The following PIAS4 variants were observed in gnomAD, a reference collection of about 807,000 sequenced individuals.
PIAS4 encodes the protein E3 SUMO-protein ligase PIAS4.
A neutral mutation model predicts 58.0 loss-of-function variants in PIAS4; 7 were observed. The ratio of observed to expected loss-of-function variants is 0.12; its 90% CI spans 0.07 to 0.23. The LOEUF (loss-of-function observed/expected upper bound fraction) is 0.23, where lower values mean the gene tolerates loss of function less well. PIAS4 is among the 10% of genes least tolerant of loss of function. The pLI is 1.00. For synonymous variants in PIAS4, 364 were observed against 312.4 expected (o/e 1.17, Z -1.74); for missense variants, 550 against 709.5 (o/e 0.78, Z 2.55).
intron 7 of PIAS4, among the ~76,000 whole-genome samples, chr19:4,030,150 A>C (rs2040209481): frequency 6.6e-6 from 1 of 151,740 alleles, no homozygotes; most frequent in Non-Finnish European, 1.5e-5. Context: ...TTTCGTAGAG[A>C]TGGAATCTTG....
At chr19:4,024,227 G>T in intron 3 of PIAS4, 107 bp downstream of exon 3, 1 of 825,804 alleles carries the variant, frequency 1.2e-6, no homozygotes, top group Non-Finnish European at 2.1e-6. Context: ...CCTCGCTCGG[G>T]CTCAGTCCAG....
At chr19:4,009,566 C>G (rs912661066) in intron 1 of PIAS4, among the ~76,000 whole-genome samples, 4 of 150,542 alleles carry the variant, frequency 2.7e-5, no homozygotes, top group Admixed American at 6.6e-5. Flanking sequence ...GTGGCTGGGC[C>G]CCCCCCCACC....
intron 2 of PIAS4, among the ~76,000 whole-genome samples, chr19:4,018,092 G>C (rs552451545): frequency 6.6e-6 from 1 of 152,232 alleles, no homozygotes; most frequent in African/African-American, 2.4e-5. Flanking sequence ...GATTATAGGC[G>C]TGAGCCACCA....
intron 1 of PIAS4, among the ~76,000 whole-genome samples, chr19:4,010,591 G>A (rs2039983301): frequency 6.6e-6 from 1 of 152,248 alleles, no homozygotes; most frequent in Non-Finnish European, 1.5e-5. Flanking sequence ...CCCATAGCCA[G>A]TGTGCTGGTG....
In PIAS4 at chr19:4,037,643, C is replaced by T. The variant is rs151289664; in HGVS notation, c.1301C>T (p.Pro434Leu). The T allele has an allele frequency of 2.4e-4, 394 of 1,611,592 alleles. No individual in the cohort carries two copies. In the African/African-American group the frequency reaches 4.7e-3, roughly 19 times the overall value. ...CCCTCGGACGCCAATGGGCTCCTGC[C>T]CGCCCCCAGCGTCAACGGGAGCGGT... ...LGPSDANGLL[P>L]APSVNGSGAL... Residue 434 changes from proline (P) to leucine (L), a missense_variant, in exon 11 of 11, where the codon CCC becomes CTC. Pro to Leu is a moderately conservative substitution (Grantham distance 98). Coordinates refer to ENST00000262971, the MANE Select transcript of PIAS4 (RefSeq NM_015897.4). The surrounding 1 kb of genome is among the most constrained non-coding windows in gnomAD (Gnocchi z 5.8).
rs370857173 is a variant in PIAS4, at chr19:4,013,290, G to A, written c.395G>A (p.Arg132His). Residue 132 changes from arginine to histidine, a missense_variant, in exon 2 of 11, where the codon CGC (arginine) becomes CAC (histidine). This residue lies in a region of PIAS4 where 225 missense variants were observed against 345.8 expected (regional missense o/e 0.65). Transcript: ENST00000262971. This position sits in a 1 kb window ranked among gnomAD's most constrained non-coding sequence, Gnocchi z 5.1. ...LPAKTLKPEV[R>H]LVKLPFFNML... ...GCCAAGACCCTCAAGCCAGAAGTCC[G>A]CCTGGTGAAGCTGCCGTTCTTTAAT... 5.6e-6 allele frequency: 9 copies of A among 1,613,078 alleles called. No individual in the cohort carries two copies. Among genetic ancestry groups the A allele is most frequent in the African/African-American group, 2.7e-5 (2 of 74,928 alleles).
chr19:4,017,155 G>A lies in PIAS4; in HGVS notation c.454+3806G>A, dbSNP rs148575994. On this transcript the variant is annotated intron_variant, in intron 2 of 10. Coordinates refer to ENST00000262971, the MANE Select transcript of PIAS4 (RefSeq NM_015897.4). ...CCCGCTGGCACTTCCCATACCTGTG[G>A]TTGGGGAACAGGGGGACTCCGCCAG... Among the ~76,000 whole-genome samples, 33 of 152,306 alleles carry A rather than the reference G, an allele frequency of 2.2e-4. No homozygotes were observed. In the East Asian group the frequency reaches 6.0e-3, roughly 28 times the overall value.
chr19:4,037,361 C>T lies in PIAS4; in HGVS notation c.1143-13C>T, dbSNP rs373574446. 15 of 1,594,422 alleles carry T rather than the reference C, an allele frequency of 9.4e-6. 1 individual carries two copies. The highest frequency in any genetic ancestry group is 6.6e-5 in the South Asian group (6 of 90,260). Reference sequence around the variant, plus strand: ...ACCTCCAGCCCCGGCGTCAGCTGTCCGCCTCGCCCCAGGCTCCTCTCGAAG... The same window carrying T: ...ACCTCCAGCCCCGGCGTCAGCTGTCTGCCTCGCCCCAGGCTCCTCTCGAAG... On this transcript the variant is annotated splice_polypyrimidine_tract_variant and intron_variant, in intron 9 of 10. Coordinates refer to ENST00000262971, the MANE Select transcript of PIAS4 (RefSeq NM_015897.4). This position sits in a 1 kb window ranked among gnomAD's most constrained non-coding sequence, Gnocchi z 5.8.
At chr19:4,016,853 G>A (rs2040057753) in intron 2 of PIAS4, among the ~76,000 whole-genome samples, 1 of 152,180 alleles carries the variant, frequency 6.6e-6, no homozygotes, top group South Asian at 2.1e-4. Context: ...TAGCCTGGGC[G>A]CGGGCGGCAG....
chr19:4,024,837 C>G (rs2040146539), intron 3 of PIAS4, among the ~76,000 whole-genome samples: 1 of 151,954 alleles, frequency 6.6e-6, no homozygotes, highest in African/African-American at 2.4e-5. Flanking sequence ...GCGATTTTGG[C>G]TTCCTGCAAC....
intron 7 of PIAS4, among the ~76,000 whole-genome samples, chr19:4,030,118 G>T (rs111459971): frequency 2.1e-5 from 3 of 143,714 alleles, no homozygotes; most frequent in African/African-American, 5.2e-5. Context: ...CACCACGCCC[G>T]GCCCCAACTA....
chr19:4,024,918 A>G (rs1208028653), intron 3 of PIAS4, among the ~76,000 whole-genome samples: 4 of 152,050 alleles, frequency 2.6e-5, no homozygotes, highest in African/African-American at 7.3e-5. Flanking sequence ...GGCGCTCACT[A>G]CCACGCCCGG....
chr19:4,034,608 C>T (rs1021215356), intron 9 of PIAS4, among the ~76,000 whole-genome samples: 7 of 152,216 alleles, frequency 4.6e-5, no homozygotes, highest in African/African-American at 1.4e-4. Context: ...GGGCCGGGCA[C>T]GTGGGCTGCC....
At chr19:4,036,856 A>AT (rs1408968680) in intron 9 of PIAS4, among the ~76,000 whole-genome samples, 1 of 146,480 alleles carries the variant, frequency 6.8e-6, no homozygotes, top group Non-Finnish European at 1.5e-5. Flanking sequence ...CCACACCCGC[A>AT]TGCCACACAT....
At chr19:4,033,620 A>T (rs571305369) in intron 9 of PIAS4, 40 bp downstream of exon 9, 2 of 1,529,816 alleles carry the variant, frequency 1.3e-6, no homozygotes, top group Middle Eastern at 1.7e-4. Flanking sequence ...GGAGCCGGAC[A>T]TCCGTGGAGG....
rs10417750 is a variant in PIAS4, at chr19:4,037,428, G to A, written c.1197G>A (p.Leu399=). 1.1e-5 allele frequency: 18 copies of A among 1,611,568 alleles called. No individual in the cohort carries two copies. In the African/African-American group the frequency reaches 1.3e-4, roughly 12 times the overall value. ...AGGACGCCGACGAGATCGAGTACCT[G>A]GTGGACGGCTCGTGGTGCCCGATCC... ...ECEDADEIEY[L]VDGSWCPIRA... is the part of the protein sequence containing the mutation. Residue 399 remains leucine, a synonymous_variant, in exon 10 of 11, where the codon CTG becomes CTA. Coordinates refer to ENST00000262971, the MANE Select transcript of PIAS4 (RefSeq NM_015897.4). The surrounding 1 kb of genome is among the most constrained non-coding windows in gnomAD (Gnocchi z 5.8).
chr19:4,025,211 C>G (rs929252193), intron 3 of PIAS4, among the ~76,000 whole-genome samples: 2 of 152,216 alleles, frequency 1.3e-5, no homozygotes, highest in South Asian at 2.1e-4. Context: ...TGCTCTGTGC[C>G]AGGAACACCC....
rs143064883 is a variant in PIAS4 at position 4,012,965 on chromosome 19, C to T, written c.70C>T (p.Leu24=). The part of the protein sequence containing the change: ...SFRVSDLQML[L]GFVGRSKSGL... ...TCGAGTCTCCGACCTTCAGATGCTC[C>T]TGGGTTTCGTGGGCCGGAGTAAGAG... The change falls in exon 2 of 11, where the codon CTG becomes TTG. Residue 24 remains leucine (L), a synonymous_variant. Transcript: ENST00000262971. The T allele has an allele frequency of 1.2e-6, 2 of 1,613,646 alleles. No homozygotes were observed. Among genetic ancestry groups the T allele is most frequent in the African/African-American group, 2.7e-5 (2 of 74,918 alleles).
At chr19:4,011,844 G>T (rs866956693) in intron 1 of PIAS4, among the ~76,000 whole-genome samples, 1 of 78,502 alleles carries the variant, frequency 1.3e-5, no homozygotes, top group African/African-American at 7.7e-5. Context: ...GGAGGTGTGT[G>T]GGGTGTGGAG....
Sources: allele counts gnomAD v4.1 joint callset (sites outside exome capture counted in the v4.1 genomes callset), GRCh38; gene constraint gnomAD v4.1.1; regional missense constraint gnomAD v4.1.1; non-coding constraint Gnocchi (gnomAD v3.1); transcripts MANE v1.5; gene names NCBI Gene and HGNC (gene_info 2026-07-23, HGNC 2026-07-21).